The following RYR2 variants were observed in gnomAD, a reference collection of about 807,000 sequenced individuals.
RYR2 encodes cardiac muscle ryanodine receptor-calcium release channel.
Under a neutral mutation model 601.1 loss-of-function variants are expected in RYR2, and 227 were observed. That is an observed-to-expected ratio of 0.38 (90% confidence interval 0.34 to 0.42). RYR2 has a LOEUF of 0.42. Ranked by LOEUF, RYR2 falls within the 10% of genes least tolerant of loss-of-function variation. RYR2 has a pLI of 1.00. For synonymous variants in RYR2, 2,223 were observed against 2,175.1 expected, an observed-to-expected ratio of 1.02 and a Z score of -0.61; for missense variants, 4,646 against 6,156.5, an observed-to-expected ratio of 0.75 and a Z score of 8.21.
intron 1 of RYR2, among the ~76,000 whole-genome samples, chr1:237,220,709 C>A (rs1683713765): frequency 6.6e-6 from 1 of 152,148 alleles, no homozygotes; most frequent in Non-Finnish European, 1.5e-5. Context: ...TGAGGAAATG[C>A]CTGTAACAAT....
At chr1:237,054,103 G>A (rs1295168237) in intron 1 of RYR2, among the ~76,000 whole-genome samples, 1 of 152,172 alleles carries the variant, frequency 6.6e-6, no homozygotes, top group Non-Finnish European at 1.5e-5. Context: ...GGCAATTAAT[G>A]AGTAAGTGAT....
rs528020243 is a variant in RYR2, at chr1:237,287,645, A to G, written c.168+17029A>G. Among the ~76,000 whole-genome samples the G allele has an allele frequency of 3.9e-5, 6 of 152,220 alleles. No individual in the cohort carries two copies. The South Asian group carries it at 1.2e-3, about 32-fold the overall frequency. ...TTTCACATTTCTAAAAGTGCATCCA[A>G]GGTTTTCTGAATTTTTGATTGTTTT... On this transcript the variant is annotated intron_variant, in intron 2 of 104. Transcript: ENST00000366574.
At chr1:237,353,821 C>T (rs1384980585) in intron 3 of RYR2, among the ~76,000 whole-genome samples, 1 of 152,128 alleles carries the variant, frequency 6.6e-6, no homozygotes, top group African/African-American at 2.4e-5. Flanking sequence ...ATTCCACATA[C>T]TTGATTCAAG....
Position 237,592,501 on chromosome 1 carries a change from TG to T in RYR2, c.4275+651del, listed in dbSNP as rs1675317536. 1.3e-5 allele frequency among the ~76,000 whole-genome samples: 2 copies of T among 151,288 alleles called. 1 individual carries two copies. Among genetic ancestry groups the T allele is most frequent in the Admixed American group, 1.3e-4 (2 of 15,162 alleles). The stretch of plus-strand genomic sequence containing the variant: ...TATAAACATTAGTGGAGTGTGGAGG[TG>T]GGCACCTGTAATCCCAGCTACTAGG... On this transcript the variant is annotated intron_variant, in intron 32 of 104. Transcript: ENST00000366574.
rs1167316937 is a variant in RYR2 at position 237,452,571 on chromosome 1, T to C, written c.1293-1820T>C. Among the ~76,000 whole-genome samples the C allele has an allele frequency of 8.8e-5, 13 of 147,438 alleles. 1 individual carries two copies. The East Asian group carries it at 2.2e-3, about 25-fold the overall frequency. On this transcript the variant is annotated intron_variant, in intron 14 of 104. Coordinates refer to ENST00000366574, the MANE Select transcript of RYR2 (RefSeq NM_001035.3). Reference sequence around the variant, plus strand: ...CATATATCATATATTTTATATACACTATATATGTTTTCATTTTTCTTCTGG... The same window carrying C: ...CATATATCATATATTTTATATACACCATATATGTTTTCATTTTTCTTCTGG...
chr1:237,289,693 G>C (rs1229677539), intron 2 of RYR2, among the ~76,000 whole-genome samples: 1 of 152,100 alleles, frequency 6.6e-6, no homozygotes, highest in Non-Finnish European at 1.5e-5. Flanking sequence ...AGATTTGGGT[G>C]GGGACACAGC....
chr1:237,324,351 A>G (rs1445982866), intron 2 of RYR2, among the ~76,000 whole-genome samples: 1 of 152,200 alleles, frequency 6.6e-6, no homozygotes, highest in Non-Finnish European at 1.5e-5. Context: ...AGAATTTGAT[A>G]TCTCCATCAT....
At chr1:237,079,700 T>C (rs375263272) in intron 1 of RYR2, among the ~76,000 whole-genome samples, 2 of 136,566 alleles carry the variant, frequency 1.5e-5, no homozygotes, top group East Asian at 4.0e-4. Context: ...ATGGCCATAC[T>C]GCCCAAGGTA....
At chr1:237,575,869 A>G (rs958274331) in intron 29 of RYR2, among the ~76,000 whole-genome samples, 9 of 152,214 alleles carry the variant, frequency 5.9e-5, no homozygotes, top group Non-Finnish European at 8.8e-5. Context: ...CGAAGACAAT[A>G]TAAGTATTTA....
In RYR2 at chr1:237,614,783, G is replaced by A. The variant is rs756814424; in HGVS notation, c.5655G>A (p.Gly1885=). 6.2e-7 allele frequency: 1 copy of A among 1,609,540 alleles called. No individual in the cohort carries two copies. Among genetic ancestry groups the A allele is most frequent in the East Asian group, 2.2e-5 (1 of 44,814 alleles). The part of the protein sequence containing the change: ...LQGAGEEEAK[G]GKRPKEGLLQ... Reference sequence around the variant, plus strand: ...GAGCTGGTGAGGAAGAAGCCAAGGGGGGCAAGCGGCCCAAGGAAGGCCTGC... The same window carrying A: ...GAGCTGGTGAGGAAGAAGCCAAGGGAGGCAAGCGGCCCAAGGAAGGCCTGC... Residue 1885 remains glycine, a synonymous_variant, in exon 37 of 105, where the codon GGG becomes GGA. Coordinates refer to ENST00000366574, the MANE Select transcript of RYR2 (RefSeq NM_001035.3). This position sits in a 1 kb window ranked among gnomAD's most constrained non-coding sequence, Gnocchi z 4.3.
intron 87 of RYR2, among the ~76,000 whole-genome samples, chr1:237,776,990 G>A (rs1039930991): frequency 3.3e-5 from 5 of 152,136 alleles, no homozygotes; most frequent in African/African-American, 1.2e-4. Context: ...TTCCTGAGTA[G>A]TCCATATAAG....
chr1:237,320,591 C>T (rs1338521253), intron 2 of RYR2, among the ~76,000 whole-genome samples: 1 of 152,202 alleles, frequency 6.6e-6, no homozygotes, highest in Non-Finnish European at 1.5e-5. Context: ...TTCCATATAA[C>T]ATTCCTTGGC....
At chr1:237,338,038 C>G (rs904753568) in intron 3 of RYR2, among the ~76,000 whole-genome samples, 2 of 152,128 alleles carry the variant, frequency 1.3e-5, no homozygotes, top group Non-Finnish European at 2.9e-5. Flanking sequence ...TGGCTTGTGA[C>G]CCATCCTCCA....
chr1:237,542,022 C>G (rs2618671), intron 25 of RYR2, among the ~76,000 whole-genome samples: 86,952 of 151,660 alleles, frequency 0.57, 26,152 homozygotes, highest in East Asian at 0.75. Flanking sequence ...TCAGAGGCCT[C>G]ACAAACATAA....
intron 24 of RYR2, among the ~76,000 whole-genome samples, chr1:237,522,647 C>A (rs1317645957): frequency 2.2e-4 from 33 of 152,150 alleles, no homozygotes. Flanking sequence ...TTACTTAGAG[C>A]TCAGTAAATA....
chr1:237,473,079 C>T (rs888398017), intron 17 of RYR2, among the ~76,000 whole-genome samples: 10 of 151,832 alleles, frequency 6.6e-5, no homozygotes, highest in East Asian at 3.9e-4. Flanking sequence ...GTTATCTACC[C>T]GATAGGGCTG....
At chr1:237,344,904 G>A (rs1004274791) in intron 3 of RYR2, among the ~76,000 whole-genome samples, 1 of 151,910 alleles carries the variant, frequency 6.6e-6, no homozygotes, top group Non-Finnish European at 1.5e-5. Context: ...TCTGCCTCCC[G>A]GATTCAAGCA....
chr1:237,826,928 A>G (rs980489100), intron 101 of RYR2, among the ~76,000 whole-genome samples: 15 of 152,124 alleles, frequency 9.9e-5, no homozygotes, highest in African/African-American at 3.4e-4. Flanking sequence ...GACCCCTTCA[A>G]CCACGGTGCT....
intron 10 of RYR2, among the ~76,000 whole-genome samples, chr1:237,411,526 G>A (rs1348045169): frequency 6.6e-6 from 1 of 152,096 alleles, no homozygotes; most frequent in Admixed American, 6.5e-5. Flanking sequence ...TGGAAGGATT[G>A]AATATAAATT....
Sources: gnomAD v4.1 joint callset for allele counts (sites outside exome capture counted in the v4.1 genomes callset) on GRCh38, gnomAD v4.1.1 for gene constraint, Gnocchi (gnomAD v3.1) non-coding constraint, MANE v1.5 for transcripts, NCBI Gene and HGNC (gene_info 2026-07-23, HGNC 2026-07-21) for gene names.